Variants in MFRP observed in about 807,000 individuals in gnomAD.
MFRP encodes C1q and TNF related 5.
Under a neutral mutation model 65.8 loss-of-function variants are expected in MFRP, and 74 were observed. That is an observed-to-expected ratio of 1.12 (90% CI 0.93 to 1.36). The LOEUF (loss-of-function observed/expected upper bound fraction) is 1.36, where lower values mean the gene tolerates loss of function less well. Ranked by LOEUF, MFRP falls within the 40% of genes most tolerant of loss-of-function variation. The pLI is 0.00. For missense variants in MFRP, 838 were observed against 736.0 expected (o/e 1.14, Z -1.60); for synonymous variants, 336 against 288.3 (o/e 1.17, Z -1.68).
In MFRP at chr11:119,346,388, A is replaced by ATAC. The variant is rs143351376; in HGVS notation, c.55-17_55-15dup. On this transcript the variant is annotated splice_polypyrimidine_tract_variant and intron_variant, in intron 1 of 14. Transcript: ENST00000619721. ...GCAGAACTCGGTCTGGAAGGGGGAG[A>ATAC]TACTTGAGGGCTGAGGGCAGCAGTG... The ATAC allele has an allele frequency of 5.6e-3, 9,080 of 1,613,606 alleles. 107 individuals are homozygous for ATAC. Among genetic ancestry groups the ATAC allele is most frequent in the South Asian group, 0.03 (2,696 of 91,054 alleles).
chr11:119,342,461 C>T, intron 11 of MFRP, 135 bp downstream of exon 11: 1 of 1,155,986 alleles, frequency 8.7e-7, no homozygotes, highest in East Asian at 2.6e-5. Context: ...TGAAGTGGTC[C>T]CAGAGTCAGG....
In MFRP at chr11:119,346,109, C is replaced by T. The variant is rs375941272; in HGVS notation, c.208G>A (p.Val70Ile). ...AGGAGCAGGCTGGAGAGCAGGAGGA[C>T]ACAGAGCCAGGAGAAGCGGCAGTCT... ...RPDCRFSWLCVLLLSSLLLLL... is the reference protein window; with the variant it reads ...RPDCRFSWLCILLLSSLLLLL... Residue 70 changes from valine (V) to isoleucine (I), a missense_variant, in exon 3 of 15, where the codon GTC becomes ATC. By Grantham distance (29) the Val-to-Ile change is conservative. Transcript: ENST00000619721. 7.5e-6 allele frequency: 12 copies of T among 1,607,496 alleles called. No homozygotes were observed. The African/African-American group carries it at 1.6e-4, about 21-fold the overall frequency.
chr11:119,346,027 GCT>G lies in MFRP; in HGVS notation c.271+17_271+18del. Reference sequence around the variant, plus strand: ...TTTCATTCCAAAGCCCTCGTTTCAAGCTGTCCCCGGGTACTTACGGGCCAGGA... The same window carrying G: ...TTTCATTCCAAAGCCCTCGTTTCAAGGTCCCCGGGTACTTACGGGCCAGGA... On this transcript the variant is annotated intron_variant, in intron 3 of 14. Transcript: ENST00000619721. 1.2e-6 allele frequency: 2 copies of G among 1,612,456 alleles called. No individual in the cohort carries two copies.
intron 4 of MFRP, 66 bp downstream of exon 4, chr11:119,345,701 TCCTCAC>T: frequency 1.2e-6 from 2 of 1,612,300 alleles, no homozygotes; most frequent in Non-Finnish European, 1.7e-6. Context: ...AGGTGCCTCT[TCCTCAC>T]CCTCCCCTCA....
chr11:119,344,182 A>G (rs1265554833), intron 8 of MFRP, 133 bp downstream of exon 8: 1 of 997,118 alleles, frequency 1.0e-6, no homozygotes, highest in African/African-American at 1.6e-5. Flanking sequence ...ATATTCCCCC[A>G]TCCCCCGTCT....
Position 119,341,248 on chromosome 11 carries a change from A to T in MFRP, c.*300T>A, listed in dbSNP as rs575341818. On this transcript the variant is annotated 3_prime_UTR_variant, in exon 13 of 15. Transcript: ENST00000619721. Reference sequence around the variant, plus strand: ...CAAGGAAAAGGTCAGAAGGCAGGCGATGGAGAAGCTGAAAAAGCAGATGGA... The same window carrying T: ...CAAGGAAAAGGTCAGAAGGCAGGCGTTGGAGAAGCTGAAAAAGCAGATGGA... 1.5e-5 allele frequency: 7 copies of T among 466,282 alleles called. No homozygotes were observed. In the East Asian group the frequency reaches 2.7e-4, roughly 18 times the overall value. The allele number at this position is 466,282 out of a possible 1,614,324, so 28.9% of individuals were successfully genotyped here.
chr11:119,343,071 C>T (rs1319911176), intron 9 of MFRP, 68 bp from the exon 10 acceptor site: 9 of 1,543,824 alleles, frequency 5.8e-6, no homozygotes, highest in Middle Eastern at 4.4e-4. Flanking sequence ...CAGCCTCCCA[C>T]AGGCCTGGCT....
In MFRP at chr11:119,339,304, G is replaced by T; in HGVS notation, c.*1655C>A. On this transcript the variant is annotated 3_prime_UTR_variant, in exon 15 of 15. Transcript: ENST00000619721. The surrounding 1 kb of genome is among the most constrained non-coding windows in gnomAD (Gnocchi z 5.4). ...CCTCACACCCTCCTTCTAGGAGTGA[G>T]AGCATGAGCTCACTTTGCAGTGGGC... 6.2e-7 allele frequency: 1 copy of T among 1,607,838 alleles called. No individual in the cohort carries two copies.
chr11:119,345,510 A>G lies in MFRP; in HGVS notation c.551T>C (p.Leu184Pro). 6.2e-7 allele frequency: 1 copy of G among 1,613,990 alleles called. No homozygotes were observed. The highest frequency in any genetic ancestry group is 8.5e-7 in the Non-Finnish European group (1 of 1,180,008). Reference protein sequence around the residue: ...IQVATDHAIQLKIEALSIESV... With the variant: ...IQVATDHAIQPKIEALSIESV... Reference sequence around the variant, plus strand: ...CTCTATGCTGAGGGCTTCGATCTTGAGCTGTATTGCATGGTCTGTGGCCAC... The same window carrying G: ...CTCTATGCTGAGGGCTTCGATCTTGGGCTGTATTGCATGGTCTGTGGCCAC... The change falls in exon 5 of 15, where the codon CTC becomes CCC. Residue 184 changes from leucine to proline, a missense_variant. By Grantham distance (98) the Leu-to-Pro change is moderately conservative. Coordinates refer to ENST00000619721, the MANE Select transcript of MFRP (RefSeq NM_031433.4).
chr11:119,343,826 G>A lies in MFRP; in HGVS notation c.1114C>T (p.Leu372Phe), dbSNP rs201874769. Residue 372 changes from leucine to phenylalanine, a missense_variant, in exon 9 of 15, where the codon CTC becomes TTC. Leu to Phe is a conservative substitution (Grantham distance 22). Transcript: ENST00000619721. ...CCCTGGCTCCTGTACCTGCCCAGGA[G>A]GCTGAAGGCCCCTGAGCTGCTGGTC... ...YETSSSGAFS[L>F]LGRFCGAEPP... 1.4e-5 allele frequency: 22 copies of A among 1,613,848 alleles called. No homozygotes were observed. In the East Asian group the frequency reaches 4.0e-4, roughly 29 times the overall value.
intron 7 of MFRP, 77 bp downstream of exon 7, chr11:119,344,555 G>A (rs1950538915): frequency 2.5e-6 from 4 of 1,610,114 alleles, no homozygotes; most frequent in South Asian, 1.1e-5. Context: ...CCGGTTTGAG[G>A]CTGGACCAGA....
intron 5 of MFRP, 135 bp from the exon 6 acceptor site, chr11:119,345,139 G>T: frequency 8.5e-7 from 1 of 1,176,422 alleles, no homozygotes; most frequent in Non-Finnish European, 1.2e-6. Context: ...CTCCTCTGAT[G>T]TCCCAGGGAG....
chr11:119,339,855 G>A lies in MFRP; in HGVS notation c.*1111-7C>T. 2 of 1,467,212 alleles carry A rather than the reference G, an allele frequency of 1.4e-6. No homozygotes were observed. Among genetic ancestry groups the A allele is most frequent in the Non-Finnish European group, 1.8e-6 (2 of 1,117,168 alleles). The allele number at this position is 1,467,212 out of a possible 1,614,324, so 90.9% of individuals were successfully genotyped here. ...CCTCGAGGTCCCGGCAGTCCTGCGG[G>A]GTAAGCGGGGCGGCAGGGTGAGAGT... On this transcript the variant is annotated splice_region_variant and splice_polypyrimidine_tract_variant and intron_variant, in intron 14 of 14. Coordinates refer to ENST00000619721, the MANE Select transcript of MFRP (RefSeq NM_031433.4). The surrounding 1 kb of genome is among the most constrained non-coding windows in gnomAD (Gnocchi z 5.4).
In MFRP at chr11:119,339,792, G is replaced by A. The variant is rs755816440; in HGVS notation, c.*1167C>T. The A allele has an allele frequency of 2.2e-5, 33 of 1,504,086 alleles. No individual in the cohort carries two copies. In the South Asian group the frequency reaches 3.3e-4, roughly 15 times the overall value. 93.2% of individuals were successfully genotyped at this position (1,504,086 alleles called of 1,614,324 possible). On this transcript the variant is annotated 3_prime_UTR_variant, in exon 15 of 15. Coordinates refer to ENST00000619721, the MANE Select transcript of MFRP (RefSeq NM_031433.4). The surrounding 1 kb of genome is among the most constrained non-coding windows in gnomAD (Gnocchi z 5.4). ...GAGCACTCCCCGGCAGGCCCGGTGG[G>A]CCCCGCGGGTCCCGCCTCTCCTCGC...
intron 9 of MFRP, among the ~76,000 whole-genome samples, chr11:119,343,414 G>A (rs964297431): frequency 1.3e-5 from 2 of 152,234 alleles, no homozygotes; most frequent in African/African-American, 4.8e-5. Flanking sequence ...CTACTTAGGA[G>A]GCTGAGGTGG....
rs557306519 is a variant in MFRP, at chr11:119,345,515, T to C, written c.546A>G (p.Ile182Met). The C allele has an allele frequency of 8.1e-6, 13 of 1,614,136 alleles. No individual in the cohort carries two copies. In the Admixed American group the frequency reaches 1.7e-4, roughly 21 times the overall value. The change falls in exon 5 of 15, where the codon ATA becomes ATG. Residue 182 changes from isoleucine to methionine, a missense_variant. Transcript: ENST00000619721. The part of the protein sequence containing the change: ...WHIQVATDHA[I>M]QLKIEALSIE... ...TGCTGAGGGCTTCGATCTTGAGCTG[T>C]ATTGCATGGTCTGTGGCCACCTGGA...
chr11:119,343,461 GA>G (rs1377990540), intron 9 of MFRP, among the ~76,000 whole-genome samples: 4 of 152,226 alleles, frequency 2.6e-5, no homozygotes, highest in Admixed American at 1.3e-4. Context: ...AGGCAGCAGT[GA>G]GCCATGATGG....
In MFRP at chr11:119,341,775, G is replaced by A; in HGVS notation, c.1516-3C>T. 6.2e-7 allele frequency: 1 copy of A among 1,613,220 alleles called. No individual in the cohort carries two copies. The highest frequency in any genetic ancestry group is 8.5e-7 in the Non-Finnish European group (1 of 1,179,996). ...TAGCAGGGCAGGCTTGTCAGGCTCT[G>A]CGGAGGGAGAGTGGCCTTCAGGCAC... On this transcript the variant is annotated splice_region_variant and splice_polypyrimidine_tract_variant and intron_variant, in intron 12 of 14. Transcript: ENST00000619721.
chr11:119,339,956 C>A lies in MFRP; in HGVS notation c.*1111-108G>T. The A allele has an allele frequency of 7.3e-7, 1 of 1,369,600 alleles. No individual in the cohort carries two copies. Among genetic ancestry groups the A allele is most frequent in the Non-Finnish European group, 9.5e-7 (1 of 1,052,124 alleles). The allele number at this position is 1,369,600 out of a possible 1,614,324, so 84.8% of individuals were successfully genotyped here. A position where few individuals can be genotyped will look rare whatever the true frequency, so the allele number is the denominator to read the frequency against. ...CTCCCCGCCCCTGCCTGAGCTTCGGCCAGCGCCTCCTCCCGCACGGGTACC... is the reference window on the plus strand; with the variant it reads ...CTCCCCGCCCCTGCCTGAGCTTCGGACAGCGCCTCCTCCCGCACGGGTACC... On this transcript the variant is annotated intron_variant, in intron 14 of 14. Transcript: ENST00000619721. This position sits in a 1 kb window ranked among gnomAD's most constrained non-coding sequence, Gnocchi z 5.4.
Sources: allele counts gnomAD v4.1 joint callset (sites outside exome capture counted in the v4.1 genomes callset), GRCh38; gene constraint gnomAD v4.1.1; non-coding constraint Gnocchi (gnomAD v3.1); transcripts MANE v1.5; gene names NCBI Gene and HGNC (gene_info 2026-07-23, HGNC 2026-07-21).